Variants in CNTNAP3B observed in about 807,000 individuals in gnomAD.
The protein encoded by CNTNAP3B is contactin-associated protein-like 3B.
Under a neutral mutation model 108.9 loss-of-function variants are expected in CNTNAP3B, and 25 were observed. That is an observed-to-expected ratio of 0.23 (90% CI 0.17 to 0.32). The LOEUF (loss-of-function observed/expected upper bound fraction) is 0.32, where lower values mean the gene tolerates loss of function less well. Ranked by LOEUF, CNTNAP3B falls within the 10% of genes least tolerant of loss-of-function variation. The pLI is 1.00. For missense variants in CNTNAP3B, 252 were observed against 1,210.4 expected, an observed-to-expected ratio of 0.21 and a Z score of 11.75; for synonymous variants, 103 against 473.4, an observed-to-expected ratio of 0.22 and a Z score of 10.16.
At chr9:41,939,922 A>G (rs1384016288) in intron 13 of CNTNAP3B, among the ~76,000 whole-genome samples, 1 of 151,932 alleles carries the variant, frequency 6.6e-6, no homozygotes, top group Non-Finnish European at 1.5e-5. Flanking sequence ...AGAATTCTGA[A>G]AAGTAGAAAG....
At chr9:41,969,370 T>C (rs1213514911) in intron 10 of CNTNAP3B, among the ~76,000 whole-genome samples, 1 of 148,826 alleles carries the variant, frequency 6.7e-6, no homozygotes, top group African/African-American at 2.5e-5. Flanking sequence ...GATTCAAACT[T>C]TTCTAGCAGA....
At chr9:41,942,305 C>T (rs1272279328) in intron 13 of CNTNAP3B, among the ~76,000 whole-genome samples, 1 of 152,176 alleles carries the variant, frequency 6.6e-6, no homozygotes, top group African/African-American at 2.4e-5. Context: ...GAAACCCCAT[C>T]TCTACTAAAA....
intron 3 of CNTNAP3B, among the ~76,000 whole-genome samples, chr9:42,070,842 A>G (rs1325123697): frequency 7.9e-5 from 12 of 151,954 alleles, no homozygotes; most frequent in African/African-American, 2.7e-4. Context: ...CACACAGGCC[A>G]TGGGAGATCT....
intron 1 of CNTNAP3B, among the ~76,000 whole-genome samples, chr9:42,122,107 G>A (rs1384088158): frequency 7.2e-6 from 1 of 139,390 alleles, no homozygotes; most frequent in Non-Finnish European, 1.5e-5. Context: ...AGCAGGCTTT[G>A]CTTGCCCTTT....
chr9:41,944,866 C>G, intron 13 of CNTNAP3B, among the ~76,000 whole-genome samples: 1 of 152,280 alleles, frequency 6.6e-6, no homozygotes, highest in Non-Finnish European at 1.5e-5. Context: ...TTGCAATCTA[C>G]CCATCTGACA....
rs1248535944 is a variant in CNTNAP3B at position 41,958,725 on chromosome 9, C to CAAAAG, written c.1876+2043_1876+2047dup. Among the ~76,000 whole-genome samples the CAAAAG allele has an allele frequency of 1.5e-4, 22 of 151,634 alleles. No homozygotes were observed. In the East Asian group the frequency reaches 3.9e-3, roughly 27 times the overall value. On this transcript the variant is annotated intron_variant, in intron 12 of 23. Coordinates refer to ENST00000377561, the MANE Select transcript of CNTNAP3B (RefSeq NM_001201380.3). ...AAACAAAAAACAAAACAAAACAAAACAAAAGAAAACAAAACACCAGTAGCT... is the reference window on the plus strand; with the variant it reads ...AAACAAAAAACAAAACAAAACAAAACAAAAGAAAAGAAAACAAAACACCAGTAGCT...
At chr9:41,955,646 A>G (rs1824834613) in intron 12 of CNTNAP3B, among the ~76,000 whole-genome samples, 1 of 152,288 alleles carries the variant, frequency 6.6e-6, no homozygotes, top group East Asian at 1.9e-4. Context: ...ATTGGACCTG[A>G]GTAGATTAAT....
At chr9:42,107,842 G>A (rs1442144276) in intron 1 of CNTNAP3B, among the ~76,000 whole-genome samples, 1 of 130,762 alleles carries the variant, frequency 7.6e-6, no homozygotes, top group African/African-American at 3.1e-5. Context: ...GGGCATGGTG[G>A]CACGTGCCCA....
chr9:42,122,755 G>C lies in CNTNAP3B; in HGVS notation c.85+6255C>G, dbSNP rs894408117. Among the ~76,000 whole-genome samples, 3 of 135,372 alleles carry C rather than the reference G, an allele frequency of 2.2e-5. No individual in the cohort carries two copies. The South Asian group carries it at 7.3e-4, about 33-fold the overall frequency. The allele number at this position is 135,372 out of a possible 152,430, so 88.8% of individuals were successfully genotyped here. On this transcript the variant is annotated intron_variant, in intron 1 of 23. Coordinates refer to ENST00000377561, the MANE Select transcript of CNTNAP3B (RefSeq NM_001201380.3). ...ACCCAACTGGGAGACACCTTAAAAGGTTATCTGCCACAACAGAAGCTTTGC... is the reference window on the plus strand; with the variant it reads ...ACCCAACTGGGAGACACCTTAAAAGCTTATCTGCCACAACAGAAGCTTTGC...
intron 18 of CNTNAP3B, among the ~76,000 whole-genome samples, 190 bp downstream of exon 18, chr9:41,919,880 C>T (rs1823621601): frequency 6.6e-6 from 1 of 152,284 alleles, no homozygotes; most frequent in African/African-American, 2.4e-5. Context: ...CCAGAGAGGA[C>T]TGATAGCCTT....
chr9:41,983,083 C>A (rs1825663485), intron 9 of CNTNAP3B, among the ~76,000 whole-genome samples: 1 of 128,652 alleles, frequency 7.8e-6, no homozygotes, highest in African/African-American at 3.2e-5. Flanking sequence ...AAACTACCTA[C>A]TAGGTACTAT....
rs1284803890 is a variant in CNTNAP3B at position 41,957,787 on chromosome 9, A to G, written c.1876+2986T>C. ...TGTTTTTTGGTTTTTTTGAGACAAA[A>G]TCTCGCTCTGTCACCCAGGCTGGAG... On this transcript the variant is annotated intron_variant, in intron 12 of 23. Coordinates refer to ENST00000377561, the MANE Select transcript of CNTNAP3B (RefSeq NM_001201380.3). Among the ~76,000 whole-genome samples the G allele has an allele frequency of 6.6e-5, 10 of 152,322 alleles. No individual in the cohort carries two copies. The East Asian group carries it at 1.7e-3, about 26-fold the overall frequency.
intron 10 of CNTNAP3B, among the ~76,000 whole-genome samples, chr9:41,966,993 C>T (rs1168396632): frequency 2.0e-5 from 3 of 150,134 alleles, no homozygotes; most frequent in Admixed American, 6.6e-5. Context: ...AAACACCTAT[C>T]CAAACATAAA....
At chr9:41,964,459 G>A in intron 11 of CNTNAP3B, 79 bp downstream of exon 11, 1 of 1,364,940 alleles carries the variant, frequency 7.3e-7, no homozygotes, top group Non-Finnish European at 9.8e-7. Flanking sequence ...TTGCAAATAT[G>A]CAGATACATA....
intron 1 of CNTNAP3B, among the ~76,000 whole-genome samples, chr9:42,113,330 T>G (rs1828236288): frequency 7.2e-6 from 1 of 138,058 alleles, no homozygotes; most frequent in South Asian, 2.3e-4. Context: ...TCTCTTTCCT[T>G]TTATTTCTAA....
rs1312682538 is a variant in CNTNAP3B, at chr9:41,968,384, T to G, written c.1649+1690A>C. On this transcript the variant is annotated intron_variant, in intron 10 of 23. Transcript: ENST00000377561. ...TTAAGTGAGCAAATGGCCAGAAACC[T>G]TCCCAACTACCCTTCCCACGACTAC... Among the ~76,000 whole-genome samples the G allele has an allele frequency of 6.4e-5, 9 of 140,182 alleles. 2 individuals are homozygous for G. In the East Asian group the frequency reaches 1.9e-3, roughly 29 times the overall value. 92.0% of individuals were successfully genotyped at this position (140,182 alleles called of 152,430 possible). A position where few individuals can be genotyped will look rare whatever the true frequency, so the allele number is the denominator to read the frequency against.
chr9:41,969,650 C>T (rs1195730334), intron 10 of CNTNAP3B, among the ~76,000 whole-genome samples: 1 of 151,964 alleles, frequency 6.6e-6, no homozygotes, highest in Non-Finnish European at 1.5e-5. Flanking sequence ...CCGAGTCTCG[C>T]TCTGTCGCCC....
chr9:42,125,664 TG>T (rs1828552244), intron 1 of CNTNAP3B, among the ~76,000 whole-genome samples: 1 of 101,798 alleles, frequency 9.8e-6, no homozygotes, highest in Non-Finnish European at 2.1e-5. Context: ...CTACATTTTT[TG>T]TTTTTTTTTT....
At chr9:41,953,138 G>C in intron 13 of CNTNAP3B, 45 bp downstream of exon 13, 1 of 1,469,508 alleles carries the variant, frequency 6.8e-7, no homozygotes, top group Non-Finnish European at 8.9e-7. Flanking sequence ...CGAGGGCCGC[G>C]CCCCGGCCTC....
Sources: gnomAD v4.1 joint callset for allele counts (sites outside exome capture counted in the v4.1 genomes callset) on GRCh38, gnomAD v4.1.1 for gene constraint, MANE v1.5 for transcripts, NCBI Gene and HGNC (gene_info 2026-07-23, HGNC 2026-07-21) for gene names.